The following CDH13 variants were observed in gnomAD, a reference collection of about 807,000 sequenced individuals.
CDH13 encodes cadherin-13.
CDH13 carries 24 observed loss-of-function variants against 63.8 expected under a neutral mutation model. That is an observed-to-expected ratio of 0.38 (90% confidence interval 0.27 to 0.53). The LOEUF (loss-of-function observed/expected upper bound fraction) is 0.53, where lower values mean the gene tolerates loss of function less well. Among genes scored for constraint, CDH13 ranks in the 20% least tolerant of loss-of-function variants. The pLI is 0.85. For missense variants in CDH13, 1,049 were observed against 903.1 expected, an observed-to-expected ratio of 1.16 and a Z score of -2.07; for synonymous variants, 503 against 355.3, an observed-to-expected ratio of 1.42 and a Z score of -4.67.
chr16:83,026,914 C>A (rs932144710), intron 2 of CDH13, among the ~76,000 whole-genome samples: 8 of 152,162 alleles, frequency 5.3e-5, no homozygotes, highest in African/African-American at 1.7e-4. Context: ...CAGAGCTAAG[C>A]AGAGCGGCTG....
At chr16:83,746,530 C>T (rs1271942788) in intron 10 of CDH13, among the ~76,000 whole-genome samples, 1 of 152,174 alleles carries the variant, frequency 6.6e-6, no homozygotes, top group East Asian at 1.9e-4. Flanking sequence ...ATATCTTTTT[C>T]CCGTGAAGAC....
intron 11 of CDH13, among the ~76,000 whole-genome samples, chr16:83,756,236 T>C (rs1913496777): frequency 6.6e-6 from 1 of 152,188 alleles, no homozygotes; most frequent in Non-Finnish European, 1.5e-5. Context: ...ATACAGTAAG[T>C]ATATACCTAA....
Position 82,858,726 on chromosome 16 carries a change from G to A in CDH13, c.157+253G>A, listed in dbSNP as rs1196351618. On this transcript the variant is annotated intron_variant, in intron 2 of 13. Transcript: ENST00000567109. ...TCTCCATACTGCTGTCAGAAAAGGG[G>A]GCTGTCAGCCTCCAATGAGAGTTGT... 8.5e-6 allele frequency: 5 copies of A among 589,066 alleles called. No individual in the cohort carries two copies. In the Admixed American group the frequency reaches 8.9e-5, roughly 10 times the overall value. 36.5% of individuals were successfully genotyped at this position (589,066 alleles called of 1,614,324 possible). A position where few individuals can be genotyped will look rare whatever the true frequency, so the allele number is the denominator to read the frequency against.
At position 83,237,162 on chromosome 16, in the gene CDH13, G is replaced by T. The variant is rs192694656; in HGVS notation, c.636+19665G>T. Among the ~76,000 whole-genome samples, 1,215 of 152,260 alleles carry T rather than the reference G, an allele frequency of 8.0e-3. 4 individuals are homozygous for T. The highest frequency in any genetic ancestry group is 0.014 in the Non-Finnish European group (925 of 68,030). ...ATTTTAGGAAATTGCAGCCTAAAGCGGTGTTCAGTACACAAGAGAGGCCCT... is the reference window on the plus strand; with the variant it reads ...ATTTTAGGAAATTGCAGCCTAAAGCTGTGTTCAGTACACAAGAGAGGCCCT... On this transcript the variant is annotated intron_variant, in intron 5 of 13. Transcript: ENST00000567109.
chr16:83,486,371 A>G, intron 6 of CDH13, 106 bp from the exon 7 acceptor site: 1 of 779,882 alleles, frequency 1.3e-6, no homozygotes, highest in Non-Finnish European at 1.9e-6. Flanking sequence ...TAATTTGGAA[A>G]GTGATGGGCA....
chr16:82,659,730 G>A (rs938215157), intron 1 of CDH13, among the ~76,000 whole-genome samples: 24 of 152,116 alleles, frequency 1.6e-4, no homozygotes, highest in African/African-American at 5.1e-4. Flanking sequence ...AAACACCTGG[G>A]AAATTCTGAA....
At chr16:83,334,754 A>G (rs2090556953) in intron 5 of CDH13, among the ~76,000 whole-genome samples, 1 of 152,138 alleles carries the variant, frequency 6.6e-6, no homozygotes, top group East Asian at 1.9e-4. Context: ...AGAGAGTATG[A>G]GAATTGTAGA....
At position 83,088,851 on chromosome 16, in the gene CDH13, A is replaced by G. The variant is rs541819320; in HGVS notation, c.367-36534A>G. On this transcript the variant is annotated intron_variant, in intron 3 of 13. Transcript: ENST00000567109. ...TAATATGTATTTAGAAGTTTAGAAC[A>G]GAGATTTTTCAGCAACAACCACAGG... Among the ~76,000 whole-genome samples the G allele has an allele frequency of 1.2e-3, 189 of 152,356 alleles. 1 individual carries two copies. The highest frequency in any genetic ancestry group is 9.7e-3 in the South Asian group (47 of 4,828).
At position 83,019,489 on chromosome 16, in the gene CDH13, C is replaced by G. The variant is rs369099552; in HGVS notation, c.158-12521C>G. ...TTGCCTGAGGCTGTTTTACAGTTAA[C>G]ATTTTCTTTTTTTTTTTTTTTTTTG... On this transcript the variant is annotated intron_variant, in intron 2 of 13. Transcript: ENST00000567109. Among the ~76,000 whole-genome samples the G allele has an allele frequency of 2.8e-3, 421 of 148,704 alleles. 3 individuals are homozygous for G. In the Middle Eastern group the frequency reaches 0.032, roughly 11 times the overall value.
At chr16:83,265,196 C>T (rs528776250) in intron 5 of CDH13, among the ~76,000 whole-genome samples, 2 of 152,266 alleles carry the variant, frequency 1.3e-5, no homozygotes, top group African/African-American at 2.4e-5. Context: ...TAGTTTCTTC[C>T]TCTAAGCCTG....
chr16:83,102,443 A>C (rs989945570), intron 3 of CDH13, among the ~76,000 whole-genome samples: 9 of 152,184 alleles, frequency 5.9e-5, no homozygotes, highest in African/African-American at 2.2e-4. Context: ...CCAGGATGCC[A>C]GTGTGCCTGG....
chr16:83,499,432 G>C (rs1334317726), intron 7 of CDH13, among the ~76,000 whole-genome samples: 1 of 152,210 alleles, frequency 6.6e-6, no homozygotes, highest in African/African-American at 2.4e-5. Context: ...TGGGTTGCTT[G>C]AGTCTGAACT....
chr16:82,809,192 C>G (rs772422335), intron 1 of CDH13, among the ~76,000 whole-genome samples: 1 of 152,102 alleles, frequency 6.6e-6, no homozygotes, highest in East Asian at 1.9e-4. Context: ...TTTCCTCATA[C>G]TGTCACCAGT....
chr16:82,962,056 A>G (rs1332840082), intron 2 of CDH13, among the ~76,000 whole-genome samples: 1 of 152,230 alleles, frequency 6.6e-6, no homozygotes, highest in African/African-American at 2.4e-5. Context: ...CCACTGGAAG[A>G]CACCCATGTC....
At chr16:83,345,768 A>G (rs2090826298) in intron 6 of CDH13, among the ~76,000 whole-genome samples, 1 of 152,160 alleles carries the variant, frequency 6.6e-6, no homozygotes, top group African/African-American at 2.4e-5. Flanking sequence ...GCTCACTTTG[A>G]TTTTCAGCTT....
chr16:83,529,533 A>T (rs2075036601), intron 7 of CDH13, among the ~76,000 whole-genome samples: 1 of 152,180 alleles, frequency 6.6e-6, no homozygotes. Context: ...AGCCCAGAGC[A>T]ATGTACACAG....
Position 83,180,032 on chromosome 16 carries a change from C to T in CDH13, c.484-37313C>T, listed in dbSNP as rs952589503. The stretch of plus-strand genomic sequence containing the variant: ...TTTGTAGCTTTTAGAGTAGATTTCC[C>T]TCTCTTAAAAGTAAACTTTGTTTTA... On this transcript the variant is annotated intron_variant, in intron 4 of 13. Coordinates refer to ENST00000567109, the MANE Select transcript of CDH13 (RefSeq NM_001257.5). 2.0e-5 allele frequency among the ~76,000 whole-genome samples: 3 copies of T among 152,120 alleles called. 1 individual carries two copies. Among genetic ancestry groups the T allele is most frequent in the Middle Eastern group, 6.8e-3 (2 of 294 alleles).
chr16:82,676,830 G>C (rs527514667), intron 1 of CDH13, among the ~76,000 whole-genome samples: 1 of 152,090 alleles, frequency 6.6e-6, no homozygotes, highest in South Asian at 2.1e-4. Flanking sequence ...AGACTATCAT[G>C]CACAAAGGTA....
chr16:82,988,776 A>C (rs1567721984), intron 2 of CDH13, among the ~76,000 whole-genome samples: 2 of 151,836 alleles, frequency 1.3e-5, no homozygotes, highest in Non-Finnish European at 2.9e-5. Flanking sequence ...AAAAAAAAAA[A>C]AATGCGAGTA....
Sources: gnomAD v4.1 joint callset for allele counts (sites outside exome capture counted in the v4.1 genomes callset) on GRCh38, gnomAD v4.1.1 for gene constraint, MANE v1.5 for transcripts, NCBI Gene and HGNC (gene_info 2026-07-23, HGNC 2026-07-21) for gene names.